NKAIN2: variants seen among roughly 807,000 people sequenced by gnomAD.
NKAIN2 encodes sodium/potassium transporting ATPase interacting 2, also known as sodium/potassium-transporting ATPase subunit beta-1-interacting protein 2.
Under a neutral mutation model 32.6 loss-of-function variants are expected in NKAIN2, and 14 were observed. That is an observed-to-expected ratio of 0.43 (90% CI 0.28 to 0.67). The LOEUF is 0.67. NKAIN2 is among the 30% of genes least tolerant of loss of function. The pLI, the probability that NKAIN2 is intolerant of heterozygous loss-of-function variation, is 0.17. For missense variants in NKAIN2, 198 were observed against 258.3 expected (o/e 0.77, Z 1.60); for synonymous variants, 80 against 87.2 (o/e 0.92, Z 0.46).
intron 3 of NKAIN2, among the ~76,000 whole-genome samples, chr6:124,418,099 T>G (rs1774575764): frequency 6.6e-6 from 1 of 151,984 alleles, no homozygotes; most frequent in South Asian, 2.1e-4. Flanking sequence ...TTAAATATAT[T>G]TCAGCTTCGC....
intron 3 of NKAIN2, among the ~76,000 whole-genome samples, chr6:124,433,877 G>A (rs1007221133): frequency 6.6e-6 from 1 of 152,138 alleles, no homozygotes; most frequent in Non-Finnish European, 1.5e-5. Flanking sequence ...AAAAGCATTT[G>A]GGATTGTTTG....
At chr6:124,292,899 A>G (rs1381370274) in intron 2 of NKAIN2, among the ~76,000 whole-genome samples, 2 of 152,120 alleles carry the variant, frequency 1.3e-5, no homozygotes, top group Non-Finnish European at 2.9e-5. Context: ...CACACTCATG[A>G]CACTTATTTA....
chr6:124,051,455 AG>A (rs1235476906), intron 1 of NKAIN2, among the ~76,000 whole-genome samples: 1 of 151,992 alleles, frequency 6.6e-6, no homozygotes, highest in Non-Finnish European at 1.5e-5. Flanking sequence ...TTTAAGTTTT[AG>A]GGTACATGTA....
intron 1 of NKAIN2, among the ~76,000 whole-genome samples, chr6:123,946,113 G>T (rs1005777916): frequency 6.6e-6 from 1 of 152,082 alleles, no homozygotes; most frequent in African/African-American, 2.4e-5. Flanking sequence ...AAAAGGGAGG[G>T]TTATCAGCTG....
At chr6:124,165,778 G>C (rs1268943426) in intron 1 of NKAIN2, among the ~76,000 whole-genome samples, 11 of 145,706 alleles carry the variant, frequency 7.5e-5, no homozygotes, top group Non-Finnish European at 1.5e-4. Flanking sequence ...TTGGTTTTTT[G>C]TCCTTGCGAT....
chr6:124,007,800 T>C (rs1262865937), intron 1 of NKAIN2, among the ~76,000 whole-genome samples: 1 of 152,212 alleles, frequency 6.6e-6, no homozygotes, highest in Non-Finnish European at 1.5e-5. Flanking sequence ...ATTTTAATAA[T>C]GATATTTGAA....
intron 4 of NKAIN2, among the ~76,000 whole-genome samples, chr6:124,757,225 T>C (rs1171980936): frequency 6.6e-6 from 1 of 152,212 alleles, no homozygotes; most frequent in Admixed American, 6.5e-5. Flanking sequence ...ATCTGTCCTC[T>C]GATGTGATCT....
intron 3 of NKAIN2, among the ~76,000 whole-genome samples, chr6:124,427,268 C>G (rs965786819): frequency 1.3e-5 from 2 of 152,044 alleles, no homozygotes; most frequent in Non-Finnish European, 2.9e-5. Context: ...AAATGTTCAT[C>G]AACAAATGAA....
intron 3 of NKAIN2, among the ~76,000 whole-genome samples, chr6:124,461,868 T>C (rs1282339485): frequency 6.6e-6 from 1 of 151,766 alleles, no homozygotes; most frequent in Non-Finnish European, 1.5e-5. Flanking sequence ...TTTCCATCTT[T>C]CTTTTTTCAC....
At chr6:124,270,936 C>T (rs1437778732) in intron 1 of NKAIN2, among the ~76,000 whole-genome samples, 1 of 152,086 alleles carries the variant, frequency 6.6e-6, no homozygotes, top group African/African-American at 2.4e-5. Flanking sequence ...GCTTTGTGTC[C>T]CCACCCAAAT....
chr6:124,467,129 TAG>T (rs1206935571), intron 3 of NKAIN2, among the ~76,000 whole-genome samples: 2 of 152,094 alleles, frequency 1.3e-5, no homozygotes, highest in Admixed American at 6.6e-5. Flanking sequence ...TTTATTTTGC[TAG>T]GTTTGGTTAT....
chr6:124,726,583 T>G (rs1470354270), intron 4 of NKAIN2, among the ~76,000 whole-genome samples: 1 of 148,850 alleles, frequency 6.7e-6, no homozygotes, highest in African/African-American at 2.5e-5. Flanking sequence ...AGACCAAAAG[T>G]AGATAAAACC....
chr6:124,540,520 T>C (rs1303073577), intron 3 of NKAIN2, among the ~76,000 whole-genome samples: 1 of 152,224 alleles, frequency 6.6e-6, no homozygotes, highest in Non-Finnish European at 1.5e-5. Flanking sequence ...AGAACAAAAG[T>C]ATTGTGGTGA....
chr6:124,791,341 G>A lies in NKAIN2; in HGVS notation c.477G>A (p.Leu159=). The change falls in exon 5 of 7, where the codon CTG becomes CTA. Residue 159 remains leucine (L), a splice_region_variant and synonymous_variant. Coordinates refer to ENST00000368417, the MANE Select transcript of NKAIN2 (RefSeq NM_001040214.3). ...AHSSLQIVLA[L]AGFIYACYVV... ...AAAGCATCTCTGTTTTGTTTCAGCT[G>A]GCAGGTTTCATCTACGCCTGTTATG... 1 of 1,607,694 alleles carries A rather than the reference G, an allele frequency of 6.2e-7. No homozygotes were observed. Among genetic ancestry groups the A allele is most frequent in the Non-Finnish European group, 8.5e-7 (1 of 1,175,318 alleles).
intron 1 of NKAIN2, among the ~76,000 whole-genome samples, chr6:123,906,262 TTTCTTC>T (rs1046084779): frequency 1.3e-5 from 2 of 151,938 alleles, no homozygotes; most frequent in Admixed American, 6.6e-5. Context: ...TTAGCACCAC[TTTCTTC>T]TTCTTCTTCT....
chr6:124,033,735 C>G (rs1781497431), intron 1 of NKAIN2, among the ~76,000 whole-genome samples: 1 of 152,068 alleles, frequency 6.6e-6, no homozygotes, highest in Admixed American at 6.6e-5. Flanking sequence ...GGCAGGTTGT[C>G]AGGGAAACAG....
intron 1 of NKAIN2, among the ~76,000 whole-genome samples, chr6:123,838,438 C>T (rs1774721615): frequency 6.6e-6 from 1 of 151,980 alleles, no homozygotes; most frequent in Non-Finnish European, 1.5e-5. Context: ...GAGCAATAAA[C>T]CAGTTTTTAT....
intron 1 of NKAIN2, among the ~76,000 whole-genome samples, chr6:124,189,824 G>T (rs1789927726): frequency 6.6e-6 from 1 of 152,208 alleles, no homozygotes; most frequent in Admixed American, 6.5e-5. Flanking sequence ...CACACACGGA[G>T]GGAAGAAAGC....
At chr6:123,856,921 TACAA>T (rs1775576660) in intron 1 of NKAIN2, among the ~76,000 whole-genome samples, 2 of 152,188 alleles carry the variant, frequency 1.3e-5, no homozygotes, top group African/African-American at 4.8e-5. Flanking sequence ...ACCAAAAGCA[TACAA>T]ACAAACAACA....
Sources: gnomAD v4.1 joint callset for allele counts (sites outside exome capture counted in the v4.1 genomes callset) on GRCh38, gnomAD v4.1.1 for gene constraint, MANE v1.5 for transcripts, NCBI Gene and HGNC (gene_info 2026-07-23, HGNC 2026-07-21) for gene names.